CRISP2: variants seen among roughly 807,000 people sequenced by gnomAD.
The protein encoded by CRISP2 is cysteine-rich secretory protein 2.
CRISP2 carries 29 observed loss-of-function variants against 31.7 expected under a neutral mutation model. That is an observed-to-expected ratio of 0.92 (90% CI 0.68 to 1.25). The LOEUF (loss-of-function observed/expected upper bound fraction) is 1.25, where lower values mean the gene tolerates loss of function less well. Among genes scored for constraint, CRISP2 ranks in the 50% most tolerant of loss-of-function variants. CRISP2 has a pLI of 0.00. For missense variants in CRISP2, 318 were observed against 286.5 expected, an observed-to-expected ratio of 1.11 and a Z score of -0.79; for synonymous variants, 111 against 101.4, an observed-to-expected ratio of 1.09 and a Z score of -0.57.
chr6:49,679,682 T>A, the CRISP2 span, among the ~76,000 whole-genome samples: 1 of 69,006 alleles, frequency 1.4e-5, no homozygotes, highest in South Asian at 5.7e-4. Context: ...TCTGATTCAG[T>A]GTTGTTGTTT....
chr6:49,697,442 T>C (rs902497340), intron 8 of CRISP2, among the ~76,000 whole-genome samples: 11 of 147,548 alleles, frequency 7.5e-5, no homozygotes, highest in Admixed American at 7.3e-4. Context: ...TAAGCAGAAG[T>C]AGGAATATTT....
chr6:49,687,380 C>G (rs1459436268), downstream of CRISP2, among the ~76,000 whole-genome samples: 5 of 152,268 alleles, frequency 3.3e-5, no homozygotes, highest in African/African-American at 1.2e-4. Flanking sequence ...GAATCATTCT[C>G]AAGCTACTAA....
intron 7 of CRISP2, 100 bp from the exon 8 acceptor site, chr6:49,698,057 T>C: frequency 1.1e-6 from 1 of 912,888 alleles, no homozygotes; most frequent in Non-Finnish European, 1.6e-6. Flanking sequence ...GTTAGTTTTA[T>C]AGACATATAC....
intron 4 of CRISP2, among the ~76,000 whole-genome samples, chr6:49,702,459 C>T (rs995259444): frequency 2.0e-5 from 3 of 151,702 alleles, no homozygotes; most frequent in Non-Finnish European, 4.4e-5. Context: ...TCCACATCCA[C>T]ACCGGTATCT....
the CRISP2 span, among the ~76,000 whole-genome samples, chr6:49,682,593 T>TTC: frequency 1.5e-5 from 1 of 65,600 alleles, no homozygotes; most frequent in Middle Eastern, 5.9e-3. Context: ...TTCTTTTTCT[T>TTC]TCTTTCTTTC....
downstream of CRISP2, chr6:49,692,312 C>T (rs1414740244): frequency 3.9e-5 from 6 of 152,196 alleles, no homozygotes; most frequent in Admixed American, 6.6e-5. Context: ...GTTCTTTGTT[C>T]GAAAAGCTGA....
chr6:49,709,020 A>C, intron 4 of CRISP2, 111 bp downstream of exon 4: 1 of 854,398 alleles, frequency 1.2e-6, no homozygotes, highest in Non-Finnish European at 2.0e-6. Context: ...ACTCTGAACC[A>C]GTGGAAACTC....
intron 6 of CRISP2, among the ~76,000 whole-genome samples, chr6:49,699,033 C>T (rs769764972): frequency 6.6e-6 from 1 of 152,074 alleles, no homozygotes; most frequent in South Asian, 2.1e-4. Context: ...TTTCTCTTAA[C>T]CAGGAAATCA....
Position 49,699,799 on chromosome 6 carries a change from C to A in CRISP2, c.271+5G>T. ...TATTCAACAAATATTTACTAATTTA[C>A]ATACTGGTTTTGCGGTCCTCTGGAT... On this transcript the variant is annotated splice_donor_5th_base_variant and intron_variant, in intron 6 of 9. Coordinates refer to ENST00000339139, the MANE Select transcript of CRISP2 (RefSeq NM_003296.4). 1 of 1,593,126 alleles carries A rather than the reference C, an allele frequency of 6.3e-7. No homozygotes were observed. The highest frequency in any genetic ancestry group is 8.6e-7 in the Non-Finnish European group (1 of 1,162,242).
chr6:49,693,792 G>A (rs1431355789), intron 9 of CRISP2, among the ~76,000 whole-genome samples: 1 of 151,968 alleles, frequency 6.6e-6, no homozygotes, highest in African/African-American at 2.4e-5. Flanking sequence ...TTTTCTAAAT[G>A]TCAATCTCTT....
intron 8 of CRISP2, among the ~76,000 whole-genome samples, chr6:49,697,389 A>G (rs1433912096): frequency 8.3e-6 from 1 of 119,934 alleles, no homozygotes; most frequent in African/African-American, 3.7e-5. Flanking sequence ...ATAATTTGTA[A>G]TGGTAATTGT....
At chr6:49,690,742 C>T (rs1764023410), downstream of CRISP2, among the ~76,000 whole-genome samples, 1 of 151,884 alleles carries the variant, frequency 6.6e-6, no homozygotes. Flanking sequence ...ATATCAAAAT[C>T]GTCATTAACA....
Position 49,695,933 on chromosome 6 carries a change from T to C in CRISP2, c.516-9A>G, listed in dbSNP as rs1175130794. 6.4e-7 allele frequency: 1 copy of C among 1,567,656 alleles called. No homozygotes were observed. The highest frequency in any genetic ancestry group is 8.8e-7 in the Non-Finnish European group (1 of 1,140,326). ...TATTCATATTATTACCACTGAAATTTGAAATACATGTCAAATATTTTTCAC... is the reference window on the plus strand; with the variant it reads ...TATTCATATTATTACCACTGAAATTCGAAATACATGTCAAATATTTTTCAC... On this transcript the variant is annotated splice_polypyrimidine_tract_variant and intron_variant, in intron 8 of 9. Transcript: ENST00000339139.
At chr6:49,709,281 A>G (rs1211841233) in intron 3 of CRISP2, 76 bp from the exon 4 acceptor site, 3 of 1,203,710 alleles carry the variant, frequency 2.5e-6, no homozygotes, top group African/African-American at 1.5e-5. Context: ...TACCAATATA[A>G]TGATCTCGAT....
At chr6:49,710,259 C>A (rs1209153039) in intron 3 of CRISP2, among the ~76,000 whole-genome samples, 1 of 152,096 alleles carries the variant, frequency 6.6e-6, no homozygotes, top group Non-Finnish European at 1.5e-5. Flanking sequence ...ATTGACGGTT[C>A]ATGGAAAATG....
downstream of CRISP2, among the ~76,000 whole-genome samples, chr6:49,687,936 C>A (rs471198): frequency 6.6e-6 from 1 of 152,152 alleles, no homozygotes; most frequent in South Asian, 2.1e-4. Flanking sequence ...GTTAAAGTCA[C>A]ATGGCGTAAC....
chr6:49,682,622 T>C, the CRISP2 span, among the ~76,000 whole-genome samples: 4 of 70,780 alleles, frequency 5.7e-5, no homozygotes, highest in Non-Finnish European at 9.6e-5. Context: ...TTTCTTTCTT[T>C]CTTTCTTTCT....
chr6:49,709,366 A>T (rs2127435188), intron 3 of CRISP2, among the ~76,000 whole-genome samples, 161 bp from the exon 4 acceptor site: 1 of 152,348 alleles, frequency 6.6e-6, no homozygotes, highest in East Asian at 1.9e-4. Flanking sequence ...GTACTAGTAG[A>T]ATCATAATGA....
Position 49,709,176 on chromosome 6 carries a change from C to A in CRISP2, c.21G>T (p.Leu7Phe). 2 of 1,613,718 alleles carry A rather than the reference C, an allele frequency of 1.2e-6. No individual in the cohort carries two copies. Among genetic ancestry groups the A allele is most frequent in the Non-Finnish European group, 1.7e-6 (2 of 1,179,898 alleles). ...ATGGAAGCAGCACAGTAACCAGAAA[C>A]AACACCGGTAGTAAAGCCATTGCTG... Reference protein sequence around the residue: MALLPVLFLVTVLLPSL... With the variant: MALLPVFFLVTVLLPSL... Residue 7 changes from leucine to phenylalanine, a missense_variant, in exon 4 of 10, where the codon TTG becomes TTT. Coordinates refer to ENST00000339139, the MANE Select transcript of CRISP2 (RefSeq NM_003296.4).
Sources: gnomAD v4.1 joint callset for allele counts (sites outside exome capture counted in the v4.1 genomes callset) on GRCh38, gnomAD v4.1.1 for gene constraint, MANE v1.5 for transcripts, NCBI Gene and HGNC (gene_info 2026-07-23, HGNC 2026-07-21) for gene names.